Variants in ANO3 observed in about 807,000 individuals in gnomAD.
ANO3 encodes anoctamin-3.
In ANO3, 99 loss-of-function variants were observed where a neutral mutation model predicts 144.8. That is an observed-to-expected ratio of 0.68 (90% CI 0.58 to 0.81). ANO3 has a LOEUF of 0.81. Ranked by LOEUF, ANO3 falls within the 30% of genes least tolerant of loss-of-function variation. The pLI, the probability that ANO3 is intolerant of heterozygous loss-of-function variation, is 0.00. For synonymous variants in ANO3, 414 were observed against 392.6 expected (o/e 1.05, Z -0.64); for missense variants, 905 against 1,202.2 (o/e 0.75, Z 3.66).
chr11:26,471,924 C>T (rs942281469), intron 4 of ANO3, among the ~76,000 whole-genome samples: 7 of 151,898 alleles, frequency 4.6e-5, no homozygotes, highest in Admixed American at 3.9e-4. Context: ...CCCATGAGTA[C>T]TTAAGAATTT....
At chr11:26,211,498 A>G (rs552215952) in intron 1 of ANO3, among the ~76,000 whole-genome samples, 1 of 152,252 alleles carries the variant, frequency 6.6e-6, no homozygotes, top group Admixed American at 6.5e-5. Flanking sequence ...CATGCAAATC[A>G]AACCACAATG....
chr11:26,328,437 A>T (rs890307432), upstream of ANO3, among the ~76,000 whole-genome samples: 1 of 152,168 alleles, frequency 6.6e-6, no homozygotes, highest in Non-Finnish European at 1.5e-5. Flanking sequence ...CACAATTCCA[A>T]TTTTAATTAA....
Position 26,531,284 on chromosome 11 carries a change from C to A in ANO3, c.817C>A (p.Leu273Ile), listed in dbSNP as rs1390094590. Residue 273 changes from leucine to isoleucine, a missense_variant, in exon 8 of 27, where the codon CTA becomes ATA. By Grantham distance (5) the Leu-to-Ile change is conservative. This residue lies in a region of ANO3 where 71 missense variants were observed against 57.9 expected (regional missense o/e 1.23). Transcript: ENST00000256737. ...MVLDKSAFPD[L>I]EESDCYTGPF... ...TCTTGACAAGTCAGCTTTTCCAGAC[C>A]TAGAGGAGTCAGACTGCTATACTGG... 2 of 1,613,992 alleles carry A rather than the reference C, an allele frequency of 1.2e-6. No individual in the cohort carries two copies. The highest frequency in any genetic ancestry group is 1.7e-6 in the Non-Finnish European group (2 of 1,179,974).
chr11:26,408,220 A>C (rs1446725173), intron 1 of ANO3, among the ~76,000 whole-genome samples: 8 of 151,960 alleles, frequency 5.3e-5, no homozygotes, highest in Admixed American at 6.6e-5. Flanking sequence ...TTTGCAACCT[A>C]CTCATCTGAC....
intron 26 of ANO3, among the ~76,000 whole-genome samples, chr11:26,657,556 C>A (rs1477246535): frequency 2.6e-5 from 4 of 152,056 alleles, no homozygotes; most frequent in African/African-American, 9.7e-5. Context: ...GTAATTTCCT[C>A]ACTATTTTTT....
chr11:26,449,499 A>T (rs369141041), intron 3 of ANO3, among the ~76,000 whole-genome samples: 81 of 27,206 alleles, frequency 3.0e-3, no homozygotes, highest in African/African-American at 3.8e-3. Context: ...ACACACACAC[A>T]CACACACACA....
At chr11:26,253,065 C>A (rs1852970403) in intron 1 of ANO3, among the ~76,000 whole-genome samples, 1 of 152,156 alleles carries the variant, frequency 6.6e-6, no homozygotes, top group Non-Finnish European at 1.5e-5. Flanking sequence ...TTCTTTAACG[C>A]TTCACAATAA....
chr11:26,246,980 G>T (rs1852811939), intron 1 of ANO3, among the ~76,000 whole-genome samples: 1 of 152,042 alleles, frequency 6.6e-6, no homozygotes, highest in Non-Finnish European at 1.5e-5. Flanking sequence ...GCATGAGAAT[G>T]GACTAAAACA....
At chr11:26,582,647 G>T (rs1430257278) in intron 14 of ANO3, among the ~76,000 whole-genome samples, 1 of 152,098 alleles carries the variant, frequency 6.6e-6, no homozygotes, top group Non-Finnish European at 1.5e-5. Flanking sequence ...ACATACTTTG[G>T]ATAGAAATAC....
At chr11:26,577,796 G>A (rs1161566527) in intron 14 of ANO3, among the ~76,000 whole-genome samples, 3 of 152,166 alleles carry the variant, frequency 2.0e-5, no homozygotes, top group African/African-American at 7.2e-5. Context: ...ACAAGAGCTA[G>A]AGAGTTGAGG....
intron 1 of ANO3, among the ~76,000 whole-genome samples, chr11:26,300,783 T>C (rs1484357778): frequency 6.6e-6 from 1 of 152,128 alleles, no homozygotes; most frequent in African/African-American, 2.4e-5. Flanking sequence ...ATATCGCTCA[T>C]ATTCTTGTTA....
At chr11:26,377,790 T>C (rs1275144544) in intron 1 of ANO3, among the ~76,000 whole-genome samples, 1 of 152,050 alleles carries the variant, frequency 6.6e-6, no homozygotes, top group East Asian at 1.9e-4. Context: ...AGAGAAATGA[T>C]TACCTACAAA....
intron 4 of ANO3, among the ~76,000 whole-genome samples, chr11:26,477,077 AT>A (rs1210193236): frequency 1.3e-5 from 2 of 152,152 alleles, no homozygotes; most frequent in African/African-American, 4.8e-5. Context: ...GCTTTACTCA[AT>A]CACAAGTTGA....
chr11:26,510,985 T>C (rs925944557), intron 5 of ANO3, among the ~76,000 whole-genome samples: 3 of 152,206 alleles, frequency 2.0e-5, no homozygotes, highest in Non-Finnish European at 4.4e-5. Context: ...ATTTGTCTAC[T>C]CTTATTCCTG....
chr11:26,457,255 CG>C (rs1859202040), intron 3 of ANO3, among the ~76,000 whole-genome samples: 2 of 16,684 alleles, frequency 1.2e-4, no homozygotes, highest in African/African-American at 2.0e-4. Context: ...AAAACCTGCA[CG>C]TTTTTGCACA....
intron 14 of ANO3, among the ~76,000 whole-genome samples, chr11:26,595,051 A>C (rs183706131): frequency 7.2e-5 from 11 of 152,242 alleles, no homozygotes; most frequent in Admixed American, 5.9e-4. Context: ...TTCCCATCTG[A>C]AAAAAGAACA....
intron 4 of ANO3, among the ~76,000 whole-genome samples, chr11:26,496,462 C>T (rs1020249825): frequency 3.9e-5 from 6 of 152,160 alleles, no homozygotes; most frequent in African/African-American, 1.4e-4. Context: ...TGCAGCTTAG[C>T]TCTTGATTTC....
intron 1 of ANO3, among the ~76,000 whole-genome samples, chr11:26,280,470 G>A (rs534125010): frequency 1.7e-4 from 26 of 152,272 alleles, no homozygotes; most frequent in African/African-American, 5.5e-4. Flanking sequence ...CTTGGAGTCC[G>A]ATATTCAAGG....
chr11:26,563,637 T>C (rs1331942918), intron 14 of ANO3, among the ~76,000 whole-genome samples: 1 of 151,888 alleles, frequency 6.6e-6, no homozygotes, highest in African/African-American at 2.4e-5. Context: ...AATGATGAAA[T>C]GAATTTTGCA....
Sources: allele counts gnomAD v4.1 joint callset (sites outside exome capture counted in the v4.1 genomes callset), GRCh38; gene constraint gnomAD v4.1.1; regional missense constraint gnomAD v4.1.1; transcripts MANE v1.5; gene names NCBI Gene and HGNC (gene_info 2026-07-23, HGNC 2026-07-21).